The following POSTN variants were observed in gnomAD, a reference collection of about 807,000 sequenced individuals.
The protein encoded by POSTN is periostin.
Under a neutral mutation model 104.5 loss-of-function variants are expected in POSTN, and 71 were observed. The ratio of observed to expected loss-of-function variants is 0.68; its 90% CI spans 0.56 to 0.83. The LOEUF (loss-of-function observed/expected upper bound fraction) is 0.83, where lower values mean the gene tolerates loss of function less well. Among genes scored for constraint, POSTN ranks in the 40% least tolerant of loss-of-function variants. The probability of loss-of-function intolerance (pLI) is 0.00; values close to 1 mark genes in which losing one functional copy is unlikely to be tolerated. For missense variants in POSTN, 949 were observed against 1,006.8 expected (o/e 0.94, Z 0.78); for synonymous variants, 355 against 340.7 (o/e 1.04, Z -0.46).
At chr13:37,578,973 T>C (rs773095782) in intron 14 of POSTN, 46 bp downstream of exon 14, 1 of 1,596,856 alleles carries the variant, frequency 6.3e-7, no homozygotes, top group Non-Finnish European at 8.5e-7. Context: ...TCGAGGTTCA[T>C]ATTAAAAAAA....
At chr13:37,575,276 T>C (rs1237545542) in intron 16 of POSTN, among the ~76,000 whole-genome samples, 1 of 151,314 alleles carries the variant, frequency 6.6e-6, no homozygotes, top group Non-Finnish European at 1.5e-5. Context: ...GTTATCACTA[T>C]CCTTTTTTTT....
In POSTN at chr13:37,598,699, G is replaced by A; in HGVS notation, c.28C>T (p.Leu10=). 1 of 1,613,268 alleles carries A rather than the reference G, an allele frequency of 6.2e-7. No individual in the cohort carries two copies. Among genetic ancestry groups the A allele is most frequent in the Non-Finnish European group, 8.5e-7 (1 of 1,179,376 alleles). The change falls in exon 1 of 23, where the codon CTA becomes TTA. Residue 10 remains leucine, a synonymous_variant. Transcript: ENST00000379747. The part of the protein sequence containing the change: MIPFLPMFS[L]LLLLIVNPIN... ...GGGTTAACAATAAGCAGCAATAGTA[G>A]AGAAAACATGGGTAAAAAGGGAATC...
intron 17 of POSTN, among the ~76,000 whole-genome samples, chr13:37,572,446 A>T (rs1950287784): frequency 6.6e-6 from 1 of 151,652 alleles, no homozygotes; most frequent in Non-Finnish European, 1.5e-5. Context: ...TGAGCACAAA[A>T]CATAAAGCCA....
chr13:37,572,664 C>G (rs1201678220), intron 17 of POSTN, among the ~76,000 whole-genome samples: 2 of 151,552 alleles, frequency 1.3e-5, no homozygotes, highest in South Asian at 2.1e-4. Context: ...AAGTACCCAG[C>G]AGAATAGCTG....
At chr13:37,569,455 A>C in intron 20 of POSTN, 72 bp from the exon 21 acceptor site, 1 of 1,183,840 alleles carries the variant, frequency 8.4e-7, no homozygotes, top group Non-Finnish European at 1.3e-6. Context: ...TTATGTCATA[A>C]ATAATGGCAT....
intron 1 of POSTN, among the ~76,000 whole-genome samples, chr13:37,598,072 T>C (rs1447943748): frequency 1.3e-5 from 2 of 152,154 alleles, no homozygotes; most frequent in East Asian, 1.9e-4. Flanking sequence ...TTCTATAAAA[T>C]ATAAATTACC....
At chr13:37,593,892 A>C (rs116233101) in intron 2 of POSTN, among the ~76,000 whole-genome samples, 6,588 of 151,794 alleles carry the variant, frequency 0.043, 483 homozygotes, top group African/African-American at 0.15. Context: ...ATAACCTTGG[A>C]TCCTCATTCT....
intron 2 of POSTN, among the ~76,000 whole-genome samples, chr13:37,595,370 G>A (rs1014128985): frequency 1.3e-5 from 2 of 152,170 alleles, no homozygotes; most frequent in Non-Finnish European, 2.9e-5. Flanking sequence ...ATAATTGTGT[G>A]AATGACTCAC....
intron 7 of POSTN, 48 bp from the exon 8 acceptor site, chr13:37,584,976 C>T: frequency 1.9e-6 from 3 of 1,599,906 alleles, no homozygotes; most frequent in Non-Finnish European, 1.7e-6. Flanking sequence ...AGGGAAATAA[C>T]ATTTGACCCT....
At chr13:37,584,194 A>T (rs912339458) in intron 8 of POSTN, 91 bp from the exon 9 acceptor site, 8 of 1,484,116 alleles carry the variant, frequency 5.4e-6, no homozygotes, top group Non-Finnish European at 7.3e-6. Flanking sequence ...CTCTTTTCTA[A>T]TATTGTAAGC....
intron 16 of POSTN, among the ~76,000 whole-genome samples, chr13:37,575,913 A>G (rs1950394160): frequency 6.6e-6 from 1 of 152,166 alleles, no homozygotes; most frequent in South Asian, 2.1e-4. Flanking sequence ...TGAAAGTCGA[A>G]TACGAATACA....
Position 37,597,258 on chromosome 13 carries a change from C to T in POSTN, c.144G>A (p.Gln48=), listed in dbSNP as rs1440966085. ...AGTATTTCTTTTTGGTGCCCAAAATCTGTTGAAGGGCACAGACATTTGGGC... is the reference window on the plus strand; with the variant it reads ...AGTATTTCTTTTTGGTGCCCAAAATTTGTTGAAGGGCACAGACATTTGGGC... ...DQGPNVCALQ[Q]ILGTKKKYFS... is the part of the protein sequence containing the mutation. The change falls in exon 2 of 23, where the codon CAG becomes CAA. Residue 48 remains glutamine (Q), a synonymous_variant. Coordinates refer to ENST00000379747, the MANE Select transcript of POSTN (RefSeq NM_006475.3). The T allele has an allele frequency of 6.3e-7, 1 of 1,585,216 alleles. No homozygotes were observed. Among genetic ancestry groups the T allele is most frequent in the Non-Finnish European group, 8.6e-7 (1 of 1,168,912 alleles).
chr13:37,577,911 T>C, intron 15 of POSTN, 113 bp from the exon 16 acceptor site: 1 of 1,490,710 alleles, frequency 6.7e-7, no homozygotes, highest in Non-Finnish European at 9.0e-7. Context: ...TTATTACACT[T>C]AATAGAAGTG....
At chr13:37,581,095 A>G (rs768730005) in intron 10 of POSTN, among the ~76,000 whole-genome samples, 7 of 152,008 alleles carry the variant, frequency 4.6e-5, no homozygotes, top group Non-Finnish European at 8.8e-5. Context: ...TATTTACTTT[A>G]TTTTCTTGAC....
chr13:37,591,901 G>T (rs1950946036), intron 3 of POSTN, among the ~76,000 whole-genome samples, 199 bp downstream of exon 3: 1 of 152,006 alleles, frequency 6.6e-6, no homozygotes, highest in African/African-American at 2.4e-5. Context: ...CTGTTGTATT[G>T]CCCAGCATCC....
intron 4 of POSTN, among the ~76,000 whole-genome samples, chr13:37,589,136 A>G (rs371344735): frequency 1.3e-5 from 2 of 152,142 alleles, no homozygotes; most frequent in East Asian, 1.9e-4. Context: ...ACTTTTGTTT[A>G]AAGATGCAGA....
Position 37,575,502 on chromosome 13 carries a change from T to C in POSTN, c.2009-850A>G, listed in dbSNP as rs563621263. Among the ~76,000 whole-genome samples the C allele has an allele frequency of 3.9e-5, 6 of 152,204 alleles. No homozygotes were observed. The South Asian group carries it at 6.2e-4, about 16-fold the overall frequency. On this transcript the variant is annotated intron_variant, in intron 16 of 22. Transcript: ENST00000379747. ...AATAAATTAAATACCAGTCAACTATTTGGTTGACTTTGGTTGTACTGATTA... is the reference window on the plus strand; with the variant it reads ...AATAAATTAAATACCAGTCAACTATCTGGTTGACTTTGGTTGTACTGATTA...
intron 15 of POSTN, among the ~76,000 whole-genome samples, chr13:37,578,128 A>G (rs1950468758): frequency 6.6e-6 from 1 of 152,164 alleles, no homozygotes; most frequent in Non-Finnish European, 1.5e-5. Context: ...ATCTGTGATG[A>G]GTGACAATTT....
Position 37,583,962 on chromosome 13 carries a change from C to T in POSTN, c.1243+7G>A, listed in dbSNP as rs1297862070. 2 of 1,613,316 alleles carry T rather than the reference C, an allele frequency of 1.2e-6. No homozygotes were observed. The highest frequency in any genetic ancestry group is 2.2e-5 in the East Asian group (1 of 44,850). On this transcript the variant is annotated splice_region_variant and intron_variant, in intron 9 of 22. Transcript: ENST00000379747. ...AGAGAGCAGGAACAACAGTGTCCAG[C>T]ACATACCAGAAAATGCATTATTCAC...
Sources: gnomAD v4.1 joint callset for allele counts (sites outside exome capture counted in the v4.1 genomes callset) on GRCh38, gnomAD v4.1.1 for gene constraint, MANE v1.5 for transcripts, NCBI Gene and HGNC (gene_info 2026-07-23, HGNC 2026-07-21) for gene names.